GLB1: variants seen among roughly 807,000 people sequenced by gnomAD.
GLB1 encodes the protein galactosidase beta 1, also known as beta-galactosidase.
GLB1 carries 56 observed loss-of-function variants against 74.0 expected under a neutral mutation model. That is an observed-to-expected ratio of 0.76 (90% CI 0.61 to 0.94). GLB1 has a LOEUF of 0.94. Ranked by LOEUF, GLB1 falls within the 40% of genes least tolerant of loss-of-function variation. The pLI, the probability that GLB1 is intolerant of heterozygous loss-of-function variation, is 0.00. For synonymous variants in GLB1, 323 were observed against 323.6 expected (o/e 1.00, Z 0.02); for missense variants, 787 against 845.5 (o/e 0.93, Z 0.86).
rs1344460111 is a variant in GLB1, at chr3:33,058,261, A to G, written c.561T>C (p.Asn187=). The change falls in exon 6 of 16, where the codon AAT becomes AAC. Residue 187 remains asparagine, a synonymous_variant. Transcript: ENST00000307363. ...CACAGGCAAAGTAGCTGCCATATTC[A>G]TTTTCAACCTGTGAGTGAAAAAAGA... ...GGPVITVQVE[N]EYGSYFACDF... is the part of the protein sequence containing the mutation. 1.2e-6 allele frequency: 2 copies of G among 1,614,140 alleles called. No individual in the cohort carries two copies. The highest frequency in any genetic ancestry group is 3.3e-5 in the Admixed American group (2 of 60,016).
In GLB1 at chr3:33,088,532, C is replaced by T. The variant is rs578142252; in HGVS notation, c.75+8479G>A. Among the ~76,000 whole-genome samples, 14 of 152,016 alleles carry T rather than the reference C, an allele frequency of 9.2e-5. No individual in the cohort carries two copies. The South Asian group carries it at 2.9e-3, about 32-fold the overall frequency. On this transcript the variant is annotated intron_variant, in intron 1 of 15. Coordinates refer to ENST00000307363, the MANE Select transcript of GLB1 (RefSeq NM_000404.4). Reference sequence around the variant, plus strand: ...ATCCTAAATGGAATTTCAAAAAATTCCATATATAAAAGCATCAAAAAGAAT... The same window carrying T: ...ATCCTAAATGGAATTTCAAAAAATTTCATATATAAAAGCATCAAAAAGAAT...
intron 10 of GLB1, among the ~76,000 whole-genome samples, chr3:33,032,226 A>G (rs1274377674): frequency 6.6e-6 from 1 of 152,004 alleles, no homozygotes; most frequent in Non-Finnish European, 1.5e-5. Flanking sequence ...TGCAGTCTCA[A>G]CCTCTCCCTG....
chr3:32,997,383 C>A, intron 15 of GLB1, 39 bp from the exon 16 acceptor site: 2 of 1,610,368 alleles, frequency 1.2e-6, no homozygotes, highest in Non-Finnish European at 1.7e-6. Flanking sequence ...ACCCCAGATG[C>A]ACCGAAAGCC....
At chr3:33,063,964 C>A (rs1212949815) in intron 5 of GLB1, among the ~76,000 whole-genome samples, 1 of 152,100 alleles carries the variant, frequency 6.6e-6, no homozygotes, top group Non-Finnish European at 1.5e-5. Context: ...TCCACCGACA[C>A]CTGAAAGGCA....
the GLB1 span, among the ~76,000 whole-genome samples, chr3:32,979,674 G>A: frequency 1.3e-5 from 2 of 151,758 alleles, no homozygotes; most frequent in African/African-American, 4.8e-5. Flanking sequence ...GCAACATAGT[G>A]AGACCCTGTC....
chr3:33,066,998 A>C (rs991862369), intron 4 of GLB1, among the ~76,000 whole-genome samples: 145 of 113,006 alleles, frequency 1.3e-3, no homozygotes, highest in African/African-American at 4.0e-3. Flanking sequence ...TTTTGTTTTT[A>C]TTTCTTTTTT....
At chr3:33,036,197 C>T (rs1304718065) in intron 10 of GLB1, among the ~76,000 whole-genome samples, 2 of 152,118 alleles carry the variant, frequency 1.3e-5, no homozygotes, top group Non-Finnish European at 2.9e-5. Context: ...TAGAGCAGGG[C>T]CTCTTAAACA....
intron 5 of GLB1, among the ~76,000 whole-genome samples, chr3:33,058,831 T>C (rs1699327858): frequency 7.1e-6 from 1 of 140,480 alleles, no homozygotes; most frequent in South Asian, 2.8e-4. Context: ...AAAATCTCCA[T>C]GGCAATAAGA....
chr3:32,983,823 T>C, the GLB1 span, among the ~76,000 whole-genome samples: 2 of 151,770 alleles, frequency 1.3e-5, no homozygotes, highest in Non-Finnish European at 2.9e-5. Context: ...GGACTACAGA[T>C]GCACCACTAC....
chr3:32,987,830 A>T, the GLB1 span, among the ~76,000 whole-genome samples: 1 of 152,182 alleles, frequency 6.6e-6, no homozygotes, highest in Non-Finnish European at 1.5e-5. Flanking sequence ...TTTAACAAAG[A>T]GATGCAGGCT....
At chr3:33,058,328 C>T in intron 5 of GLB1, 59 bp from the exon 6 acceptor site, 3 of 1,606,034 alleles carry the variant, frequency 1.9e-6, no homozygotes, top group Non-Finnish European at 2.6e-6. Context: ...CACCCTAATG[C>T]AAGCTTTTGT....
the GLB1 span, among the ~76,000 whole-genome samples, chr3:32,966,483 C>T: frequency 6.6e-6 from 1 of 152,196 alleles, no homozygotes; most frequent in East Asian, 1.9e-4. Flanking sequence ...AAGTAACTAA[C>T]TTGCTTCTGA....
chr3:33,053,241 C>G lies in GLB1; in HGVS notation c.792+250G>C, dbSNP rs4493381. ...ACCAGATGAGACCAGGATGCAGGAG[C>G]ACAGAACCTGATGTGTAACAGGCCA... On this transcript the variant is annotated intron_variant, in intron 7 of 15. Transcript: ENST00000307363. 0.081 allele frequency among the ~76,000 whole-genome samples: 12,258 copies of G among 152,182 alleles called. 1,154 individuals carry two copies. The highest frequency in any genetic ancestry group is 0.48 in the East Asian group (2,447 of 5,142).
In GLB1 at chr3:33,091,764, T is replaced by C. The variant is rs979794237; in HGVS notation, c.75+5247A>G. Reference sequence around the variant, plus strand: ...CTCCAGTCAGAGCGAGTGTCTTCACTCCCCATTGGAGGAAGACTTTCCATC... The same window carrying C: ...CTCCAGTCAGAGCGAGTGTCTTCACCCCCCATTGGAGGAAGACTTTCCATC... On this transcript the variant is annotated intron_variant, in intron 1 of 15. Coordinates refer to ENST00000307363, the MANE Select transcript of GLB1 (RefSeq NM_000404.4). 8 of 985,194 alleles carry C rather than the reference T, an allele frequency of 8.1e-6. No homozygotes were observed. The African/African-American group carries it at 1.4e-4, about 17-fold the overall frequency. 61.0% of individuals were successfully genotyped at this position (985,194 alleles called of 1,614,324 possible). A position where few individuals can be genotyped will look rare whatever the true frequency, so the allele number is the denominator to read the frequency against.
chr3:33,008,979 C>T (rs1696897505), intron 15 of GLB1, among the ~76,000 whole-genome samples: 1 of 151,844 alleles, frequency 6.6e-6, no homozygotes, highest in Non-Finnish European at 1.5e-5. Context: ...ATTAGCCAGG[C>T]GTGGTGGTGC....
chr3:33,067,482 T>C (rs1443729565), intron 4 of GLB1, among the ~76,000 whole-genome samples: 2 of 151,266 alleles, frequency 1.3e-5, no homozygotes. Flanking sequence ...GGTCTCGCTA[T>C]GTTACCTAGG....
the GLB1 span, among the ~76,000 whole-genome samples, chr3:32,982,053 C>A: frequency 3.3e-5 from 5 of 151,976 alleles, no homozygotes; most frequent in Admixed American, 1.3e-4. Flanking sequence ...GTGGCTTACG[C>A]CTGTAATCTC....
chr3:33,011,901 G>T (rs924705505), intron 15 of GLB1, among the ~76,000 whole-genome samples: 3 of 152,126 alleles, frequency 2.0e-5, no homozygotes, highest in African/African-American at 7.2e-5. Context: ...CAATCTGGCT[G>T]GGAGATGCTT....
At chr3:32,961,431 A>G in the GLB1 span, among the ~76,000 whole-genome samples, 1 of 152,182 alleles carries the variant, frequency 6.6e-6, no homozygotes, top group Middle Eastern at 3.2e-3. Flanking sequence ...GAGGTGCAGG[A>G]AGAGAGGTGA....
Sources: allele counts gnomAD v4.1 joint callset (sites outside exome capture counted in the v4.1 genomes callset), GRCh38; gene constraint gnomAD v4.1.1; transcripts MANE v1.5; gene names NCBI Gene and HGNC (gene_info 2026-07-23, HGNC 2026-07-21).